The following TTC23 variants were observed in gnomAD, a reference collection of about 807,000 sequenced individuals.
TTC23 encodes the protein tetratricopeptide repeat domain 23, also known as tetratricopeptide repeat protein 23.
TTC23 carries 58 observed loss-of-function variants against 55.1 expected under a neutral mutation model. The observed-to-expected ratio is 1.05, with a 90% confidence interval of 0.85 to 1.31. The LOEUF is 1.31. Among genes scored for constraint, TTC23 ranks in the 50% most tolerant of loss-of-function variants. TTC23 has a pLI of 0.00. For synonymous variants in TTC23, 203 were observed against 199.9 expected, an observed-to-expected ratio of 1.02 and a Z score of -0.13; for missense variants, 516 against 534.4, an observed-to-expected ratio of 0.97 and a Z score of 0.34.
At chr15:99,244,179 C>T (rs1019580457) in intron 2 of TTC23, among the ~76,000 whole-genome samples, 1 of 152,048 alleles carries the variant, frequency 6.6e-6, no homozygotes, top group African/African-American at 2.4e-5. Flanking sequence ...AAACCTAAAG[C>T]TAATATCATA....
intron 9 of TTC23, among the ~76,000 whole-genome samples, chr15:99,178,569 G>A (rs2073827095): frequency 6.6e-6 from 1 of 152,108 alleles, no homozygotes; most frequent in Non-Finnish European, 1.5e-5. Context: ...ATTTAGGCAG[G>A]AATTTTAGTT....
chr15:99,137,720 A>G lies in TTC23; in HGVS notation c.*290T>C, dbSNP rs2067702964. On this transcript the variant is annotated 3_prime_UTR_variant, in exon 14 of 14. Coordinates refer to ENST00000394132, the MANE Select transcript of TTC23 (RefSeq NM_001288615.3). ...CACAGGGCGCACTGAACTGTTGAAGAGAAGTTTTTCAGCCACAGTAGTGCT... is the reference window on the plus strand; with the variant it reads ...CACAGGGCGCACTGAACTGTTGAAGGGAAGTTTTTCAGCCACAGTAGTGCT... 5.0e-6 allele frequency: 2 copies of G among 399,758 alleles called. No homozygotes were observed. Among genetic ancestry groups the G allele is most frequent in the Non-Finnish European group, 9.2e-6 (2 of 216,332 alleles). 24.8% of individuals were successfully genotyped at this position (399,758 alleles called of 1,614,324 possible).
chr15:99,235,814 C>T (rs1179702286), intron 3 of TTC23, among the ~76,000 whole-genome samples: 5 of 152,182 alleles, frequency 3.3e-5, no homozygotes, highest in African/African-American at 1.2e-4. Context: ...CTTCCCATTC[C>T]CCCTACCCTC....
At chr15:99,248,551 A>C (rs2080460309) in intron 1 of TTC23, among the ~76,000 whole-genome samples, 1 of 152,174 alleles carries the variant, frequency 6.6e-6, no homozygotes, top group South Asian at 2.1e-4. Context: ...AGTCTTACCC[A>C]TACTGTGAAG....
intron 5 of TTC23, among the ~76,000 whole-genome samples, chr15:99,225,645 GA>G (rs2078339265): frequency 6.6e-6 from 1 of 152,200 alleles, no homozygotes; most frequent in African/African-American, 2.4e-5. Flanking sequence ...TGTGAAGAAA[GA>G]AAAGCTCTTC....
chr15:99,246,415 A>G (rs2080245227), intron 1 of TTC23, among the ~76,000 whole-genome samples: 1 of 152,056 alleles, frequency 6.6e-6, no homozygotes, highest in Non-Finnish European at 1.5e-5. Context: ...AGAGTTCAAG[A>G]CCAGCCTGGC....
In TTC23 at chr15:99,156,134, G is replaced by C; in HGVS notation, c.1143+14C>G. 6.2e-7 allele frequency: 1 copy of C among 1,614,192 alleles called. No homozygotes were observed. The highest frequency in any genetic ancestry group is 1.6e-4 in the Middle Eastern group (1 of 6,062). On this transcript the variant is annotated intron_variant, in intron 12 of 13. Transcript: ENST00000394132. ...GAGAGCCTAGTCTCGTGTTAGTACT[G>C]GTTCCAGCTTTACCTTCTTCAGTTT...
intron 4 of TTC23, among the ~76,000 whole-genome samples, chr15:99,231,168 CA>C (rs2078903225): frequency 6.6e-6 from 1 of 152,138 alleles, no homozygotes; most frequent in Non-Finnish European, 1.5e-5. Context: ...AAAGCATATA[CA>C]ATTATGTACA....
In TTC23 at chr15:99,180,619, A is replaced by G. The variant is rs189801618; in HGVS notation, c.760-5464T>C. 1.8e-3 allele frequency among the ~76,000 whole-genome samples: 276 copies of G among 152,338 alleles called. 3 individuals carry two copies. Among genetic ancestry groups the G allele is most frequent in the African/African-American group, 6.2e-3 (259 of 41,590 alleles). On this transcript the variant is annotated intron_variant, in intron 9 of 13. Coordinates refer to ENST00000394132, the MANE Select transcript of TTC23 (RefSeq NM_001288615.3). ...GAGAGACACTTCTATTTCTGCAGGC[A>G]GACCCCATCATCTGAACACTCAACT...
intron 8 of TTC23, among the ~76,000 whole-genome samples, chr15:99,212,984 C>T (rs1474829205): frequency 2.8e-5 from 2 of 71,808 alleles, no homozygotes; most frequent in South Asian, 6.3e-4. Flanking sequence ...GACCCTATCT[C>T]AAAAAAAAAA....
intron 10 of TTC23, among the ~76,000 whole-genome samples, chr15:99,169,554 C>T (rs796106284): frequency 2.0e-5 from 3 of 152,240 alleles, no homozygotes; most frequent in African/African-American, 7.2e-5. Flanking sequence ...CTGGAACACA[C>T]GGGGCCCAAG....
At chr15:99,227,667 T>G (rs1005915297) in intron 5 of TTC23, among the ~76,000 whole-genome samples, 1 of 152,278 alleles carries the variant, frequency 6.6e-6, no homozygotes, top group Non-Finnish European at 1.5e-5. Context: ...TAATCCAGCT[T>G]CATTTCTTGC....
chr15:99,247,799 G>A (rs959913483), intron 1 of TTC23, among the ~76,000 whole-genome samples: 15 of 152,204 alleles, frequency 9.9e-5, no homozygotes, highest in African/African-American at 3.4e-4. Context: ...TTTCTAGGAT[G>A]ATGAAAATTT....
At chr15:99,194,599 C>T (rs1006981728) in intron 9 of TTC23, among the ~76,000 whole-genome samples, 19 of 150,624 alleles carry the variant, frequency 1.3e-4, no homozygotes, top group Non-Finnish European at 1.2e-4. Flanking sequence ...GACCTTATAC[C>T]CTTCACAAAA....
At chr15:99,242,122 A>T (rs1169262672) in intron 2 of TTC23, among the ~76,000 whole-genome samples, 1 of 138,394 alleles carries the variant, frequency 7.2e-6, no homozygotes, top group African/African-American at 2.8e-5. Context: ...ACAGAACAAG[A>T]TCCTGTCTCA....
intron 3 of TTC23, among the ~76,000 whole-genome samples, chr15:99,241,106 C>T (rs2079751591): frequency 6.6e-6 from 1 of 152,082 alleles, no homozygotes. Flanking sequence ...CACCTGAGGT[C>T]GGGAGTTCGA....
chr15:99,202,127 T>C (rs2076250625), intron 8 of TTC23, among the ~76,000 whole-genome samples: 1 of 152,300 alleles, frequency 6.6e-6, no homozygotes, highest in East Asian at 1.9e-4. Context: ...GCCTACAACA[T>C]CTGAAATACT....
chr15:99,250,788 G>T (rs1467645845), upstream of TTC23, among the ~76,000 whole-genome samples: 3 of 152,122 alleles, frequency 2.0e-5, no homozygotes, highest in East Asian at 5.8e-4. Context: ...AATAAACCTT[G>T]GGTGTTTGAA....
At chr15:99,172,084 C>A (rs188872955) in intron 10 of TTC23, among the ~76,000 whole-genome samples, 3 of 151,258 alleles carry the variant, frequency 2.0e-5, no homozygotes, top group Non-Finnish European at 4.4e-5. Flanking sequence ...GTGGCACAAT[C>A]TTGGCTCACT....
Sources: allele counts gnomAD v4.1 joint callset (sites outside exome capture counted in the v4.1 genomes callset), GRCh38; gene constraint gnomAD v4.1.1; transcripts MANE v1.5; gene names NCBI Gene and HGNC (gene_info 2026-07-23, HGNC 2026-07-21).